ENTREP2: variants seen among roughly 807,000 people sequenced by gnomAD.
ENTREP2 encodes the protein protein ENTREP2.
the ENTREP2 span, among the ~76,000 whole-genome samples, chr15:29,305,190 T>C: frequency 6.6e-6 from 1 of 152,244 alleles, no homozygotes; most frequent in Non-Finnish European, 1.5e-5. Flanking sequence ...GCTTATCAAA[T>C]GCAAAGATAA....
the ENTREP2 span, among the ~76,000 whole-genome samples, chr15:29,172,469 G>A: frequency 3.3e-5 from 5 of 152,060 alleles, no homozygotes; most frequent in African/African-American, 1.2e-4. Flanking sequence ...TCCTGGGGAG[G>A]GGGAATGATG....
chr15:29,536,468 G>T, the ENTREP2 span, among the ~76,000 whole-genome samples: 52 of 152,194 alleles, frequency 3.4e-4, 1 homozygote, highest in Admixed American at 9.8e-4. Context: ...GCCAGGCATG[G>T]TGACATACGC....
the ENTREP2 span, among the ~76,000 whole-genome samples, chr15:29,195,511 C>CT: frequency 6.6e-6 from 1 of 152,074 alleles, no homozygotes; most frequent in Non-Finnish European, 1.5e-5. Flanking sequence ...TGTGCCACAT[C>CT]TTTTTATATT....
the ENTREP2 span, among the ~76,000 whole-genome samples, chr15:29,478,680 G>A: frequency 6.6e-6 from 1 of 151,708 alleles, no homozygotes; most frequent in Admixed American, 6.6e-5. Context: ...CGAGGCAGGA[G>A]GATCACTTGA....
the ENTREP2 span, among the ~76,000 whole-genome samples, chr15:29,222,644 C>T: frequency 6.6e-6 from 1 of 152,094 alleles, no homozygotes; most frequent in Non-Finnish European, 1.5e-5. Flanking sequence ...GTCACTCATG[C>T]TCAGGAGAAT....
At chr15:29,243,710 T>C in the ENTREP2 span, among the ~76,000 whole-genome samples, 1 of 152,156 alleles carries the variant, frequency 6.6e-6, no homozygotes, top group South Asian at 2.1e-4. Flanking sequence ...TAAAAGAATA[T>C]TATCTGTAGC....
chr15:29,503,840 T>G, the ENTREP2 span, among the ~76,000 whole-genome samples: 3 of 152,226 alleles, frequency 2.0e-5, no homozygotes, highest in Non-Finnish European at 4.4e-5. Flanking sequence ...TTAAAGCATT[T>G]TTAAGTTTAT....
the ENTREP2 span, among the ~76,000 whole-genome samples, chr15:29,657,090 C>T: frequency 6.6e-6 from 1 of 152,152 alleles, no homozygotes; most frequent in Non-Finnish European, 1.5e-5. Flanking sequence ...CGCTGTTCCT[C>T]ACGCCAGAGG....
At chr15:29,473,896 C>T in the ENTREP2 span, among the ~76,000 whole-genome samples, 1 of 152,214 alleles carries the variant, frequency 6.6e-6, no homozygotes, top group Non-Finnish European at 1.5e-5. Context: ...CCCCCGGAGG[C>T]TCCAGTTCAA....
chr15:29,396,530 G>A, the ENTREP2 span, among the ~76,000 whole-genome samples: 1 of 152,270 alleles, frequency 6.6e-6, no homozygotes, highest in African/African-American at 2.4e-5. Flanking sequence ...TGAAATATGT[G>A]ATTTTCCAGT....
At chr15:29,650,701 G>A in the ENTREP2 span, among the ~76,000 whole-genome samples, 1 of 152,062 alleles carries the variant, frequency 6.6e-6, no homozygotes, top group Non-Finnish European at 1.5e-5. Flanking sequence ...GTGGTGATGT[G>A]CGCCTATGAT....
the ENTREP2 span, chr15:29,252,594 G>GTTATTCATGT: frequency 1.8e-6 from 1 of 567,304 alleles, no homozygotes; most frequent in Non-Finnish European, 3.1e-6. Context: ...ATAATTACAT[G>GTTATTCATGT]AATAACATGT....
chr15:29,553,683 G>A, the ENTREP2 span, among the ~76,000 whole-genome samples: 1 of 152,164 alleles, frequency 6.6e-6, no homozygotes, highest in Non-Finnish European at 1.5e-5. Context: ...AGCTCTGGGG[G>A]AAGCAGCCAT....
chr15:29,301,997 T>G, the ENTREP2 span, among the ~76,000 whole-genome samples: 2 of 152,156 alleles, frequency 1.3e-5, no homozygotes, highest in African/African-American at 4.8e-5. Flanking sequence ...CTATGGTATT[T>G]TGTTATAGCA....
At chr15:29,196,799 T>C in the ENTREP2 span, 11 of 438,584 alleles carry the variant, frequency 2.5e-5, no homozygotes, top group South Asian at 5.4e-4. Flanking sequence ...TGAAGAAACT[T>C]AAGCTATACA....
At chr15:29,657,216 T>C in the ENTREP2 span, among the ~76,000 whole-genome samples, 1 of 118,396 alleles carries the variant, frequency 8.4e-6, no homozygotes, top group Non-Finnish European at 1.6e-5. Context: ...CCGCGCCAGC[T>C]TTTTTTTTTT....
the ENTREP2 span, among the ~76,000 whole-genome samples, chr15:29,490,222 T>G: frequency 6.6e-5 from 10 of 152,176 alleles, no homozygotes; most frequent in African/African-American, 2.4e-4. Flanking sequence ...TCGGACATGT[T>G]GGGAGTTTCT....
chr15:29,217,761 C>T, the ENTREP2 span, among the ~76,000 whole-genome samples: 1 of 152,090 alleles, frequency 6.6e-6, no homozygotes, highest in African/African-American at 2.4e-5. Context: ...TCAGGTAGAT[C>T]AGGGACTTCT....
chr15:29,609,768 T>C, the ENTREP2 span: 4 of 150,426 alleles, frequency 2.7e-5, no homozygotes, highest in Admixed American at 2.0e-4. Context: ...TTTACACAAG[T>C]GCATATGAGC....
Sources: allele counts gnomAD v4.1 joint callset (sites outside exome capture counted in the v4.1 genomes callset), GRCh38; gene constraint gnomAD v4.1.1; transcripts MANE v1.5; gene names NCBI Gene and HGNC (gene_info 2026-07-23, HGNC 2026-07-21).